MMP26: variants seen among roughly 807,000 people sequenced by gnomAD.
MMP26 encodes the protein matrix metallopeptidase 26.
A neutral mutation model predicts 31.0 loss-of-function variants in MMP26; 33 were observed. That is an observed-to-expected ratio of 1.06 (90% CI 0.81 to 1.42). The LOEUF (loss-of-function observed/expected upper bound fraction) is 1.42. Among genes scored for constraint, MMP26 ranks in the 40% most tolerant of loss-of-function variants. MMP26 has a pLI of 0.00. For missense variants in MMP26, 347 were observed against 316.1 expected (o/e 1.10, Z -0.74); for synonymous variants, 122 against 114.9 (o/e 1.06, Z -0.40).
At chr11:4,744,652 TA>T (rs925749239) in intron 1 of MMP26, among the ~76,000 whole-genome samples, 47 of 152,344 alleles carry the variant, frequency 3.1e-4, no homozygotes, top group African/African-American at 1.1e-3. Flanking sequence ...ATCTTTCTGA[TA>T]AATTGTATTT....
intron 1 of MMP26, among the ~76,000 whole-genome samples, chr11:4,759,403 T>C (rs538821353): frequency 6.6e-6 from 1 of 152,162 alleles, no homozygotes; most frequent in Admixed American, 6.5e-5. Context: ...CTGAAATTAC[T>C]AGTAGTATTG....
intron 2 of MMP26, among the ~76,000 whole-genome samples, chr11:4,915,941 G>T (rs146729867): frequency 6.6e-6 from 1 of 152,084 alleles, no homozygotes; most frequent in East Asian, 1.9e-4. Context: ...TAAATGAGCC[G>T]CTCCACCCTT....
intron 2 of MMP26, among the ~76,000 whole-genome samples, chr11:4,811,598 G>A (rs965730181): frequency 4.0e-5 from 6 of 151,754 alleles, no homozygotes; most frequent in African/African-American, 1.5e-4. Context: ...CTTTATCTTC[G>A]GTATGTGACG....
At chr11:4,961,501 T>C (rs941967976) in intron 2 of MMP26, among the ~76,000 whole-genome samples, 1 of 152,324 alleles carries the variant, frequency 6.6e-6, no homozygotes, top group Admixed American at 6.5e-5. Context: ...TCCAGTCAAG[T>C]TGACACCTAA....
intron 2 of MMP26, among the ~76,000 whole-genome samples, chr11:4,878,274 A>G (rs541791767): frequency 6.6e-6 from 1 of 152,258 alleles, no homozygotes; most frequent in East Asian, 1.9e-4. Context: ...AACTTTTTTG[A>G]GAAATCTATC....
intron 1 of MMP26, among the ~76,000 whole-genome samples, chr11:4,751,078 A>G (rs1236648469): frequency 6.6e-6 from 1 of 152,122 alleles, no homozygotes; most frequent in East Asian, 1.9e-4. Flanking sequence ...AATTTTACTC[A>G]GTTGAAAGAG....
At chr11:4,986,932 CCTCT>C (rs1194074123) in intron 2 of MMP26, among the ~76,000 whole-genome samples, 1,078 of 60,234 alleles carry the variant, frequency 0.018, 20 homozygotes, top group East Asian at 0.086. Flanking sequence ...TCTCTCTCTC[CCTCT>C]CTCTCTCTCT....
At chr11:4,924,618 TC>T (rs1851242648) in intron 2 of MMP26, among the ~76,000 whole-genome samples, 1 of 152,044 alleles carries the variant, frequency 6.6e-6, no homozygotes. Context: ...AGAAAACAAT[TC>T]TAGAAAAGGG....
chr11:4,737,759 A>C (rs1463841315), intron 1 of MMP26, among the ~76,000 whole-genome samples: 1 of 152,230 alleles, frequency 6.6e-6, no homozygotes, highest in Non-Finnish European at 1.5e-5. Flanking sequence ...CCACACAAAG[A>C]GATCCAAAGT....
rs556458388 is a variant in MMP26, at chr11:4,953,945, G to A, written c.-144-34123G>A. Among the ~76,000 whole-genome samples the A allele has an allele frequency of 1.2e-4, 15 of 125,366 alleles. 2 individuals carry two copies. In the South Asian group the frequency reaches 3.6e-3, roughly 30 times the overall value. The allele number at this position is 125,366 out of a possible 152,430, so 82.2% of individuals were successfully genotyped here. A position where few individuals can be genotyped will look rare whatever the true frequency, so the allele number is the denominator to read the frequency against. ...CATGCGCCTGTAATCCTAGATACTC[G>A]GGAGGCTGAGAGGCAAGAGAATCGC... On this transcript the variant is annotated intron_variant, in intron 2 of 7. Coordinates refer to ENST00000380390, the MANE Select transcript of MMP26 (RefSeq NM_021801.5).
intron 2 of MMP26, among the ~76,000 whole-genome samples, chr11:4,900,163 T>A (rs1186745907): frequency 6.6e-6 from 1 of 152,152 alleles, no homozygotes; most frequent in East Asian, 1.9e-4. Flanking sequence ...CAAGCATGGT[T>A]GTGTGTCTAC....
intron 2 of MMP26, among the ~76,000 whole-genome samples, chr11:4,823,270 T>C (rs973919592): frequency 6.6e-6 from 1 of 152,152 alleles, no homozygotes; most frequent in Admixed American, 6.6e-5. Context: ...CAATAGCACA[T>C]CACATGCAGA....
chr11:4,957,162 C>T (rs1490584950), intron 2 of MMP26, among the ~76,000 whole-genome samples: 2 of 152,018 alleles, frequency 1.3e-5, no homozygotes, highest in African/African-American at 2.4e-5. Context: ...GAATGTAGCT[C>T]GTGAGAAGTA....
intron 2 of MMP26, among the ~76,000 whole-genome samples, chr11:4,893,906 C>G (rs1850664377): frequency 6.6e-6 from 1 of 151,364 alleles, no homozygotes; most frequent in Non-Finnish European, 1.5e-5. Flanking sequence ...TTGAGACTAG[C>G]CTGGGCAATA....
chr11:4,878,054 C>T (rs2133533618), intron 2 of MMP26: 1 of 152,252 alleles, frequency 6.6e-6, no homozygotes, highest in Middle Eastern at 3.4e-3. Context: ...CAACAGAAGG[C>T]AAACATTGAC....
intron 1 of MMP26, among the ~76,000 whole-genome samples, chr11:4,762,569 G>A (rs1055122670): frequency 2.6e-5 from 4 of 152,044 alleles, no homozygotes; most frequent in Non-Finnish European, 5.9e-5. Flanking sequence ...CAGTGAGAAC[G>A]TGCTATTTAG....
intron 1 of MMP26, among the ~76,000 whole-genome samples, chr11:4,758,246 G>T (rs1848528981): frequency 6.6e-6 from 1 of 151,974 alleles, no homozygotes; most frequent in South Asian, 2.1e-4. Flanking sequence ...GCCAGATGCA[G>T]GATATTACAT....
chr11:4,915,108 G>A, intron 2 of MMP26: 1 of 1,614,136 alleles, frequency 6.2e-7, no homozygotes, highest in Non-Finnish European at 8.5e-7. Context: ...ACTTCTTGGT[G>A]GAGACAATAA....
At chr11:4,718,002 C>T (rs747157735) in intron 1 of MMP26, among the ~76,000 whole-genome samples, 2 of 152,140 alleles carry the variant, frequency 1.3e-5, no homozygotes, top group Non-Finnish European at 2.9e-5. Flanking sequence ...AACTCACACT[C>T]GCTATGTGGT....
Sources: allele counts gnomAD v4.1 joint callset (sites outside exome capture counted in the v4.1 genomes callset), GRCh38; gene constraint gnomAD v4.1.1; transcripts MANE v1.5; gene names NCBI Gene and HGNC (gene_info 2026-07-23, HGNC 2026-07-21).